Variants in VPS13C observed in about 807,000 individuals in gnomAD.
VPS13C encodes vacuolar protein sorting 13 homolog C.
VPS13C carries 358 observed loss-of-function variants against 456.8 expected under a neutral mutation model. That is an observed-to-expected ratio of 0.78 (90% CI 0.72 to 0.86). VPS13C has a LOEUF of 0.86. Among genes scored for constraint, VPS13C ranks in the 40% least tolerant of loss-of-function variants. The pLI is 0.00. For synonymous variants in VPS13C, 1,578 were observed against 1,486.7 expected (o/e 1.06, Z -1.41); for missense variants, 4,818 against 4,385.4 (o/e 1.10, Z -2.79).
intron 45 of VPS13C, among the ~76,000 whole-genome samples, chr15:61,943,872 C>T (rs114960655): frequency 0.032 from 4,826 of 150,912 alleles, 156 homozygotes; most frequent in South Asian, 0.077. Flanking sequence ...AAAAAATGTT[C>T]GCAAATTATG....
intron 24 of VPS13C, among the ~76,000 whole-genome samples, chr15:61,974,900 G>C (rs753953406): frequency 2.2e-4 from 33 of 152,184 alleles, no homozygotes; most frequent in Admixed American, 3.3e-4. Context: ...TACTCACTAC[G>C]AATCACCACT....
rs972532225 is a variant in VPS13C, at chr15:62,023,285, G to C, written c.624+126C>G. On this transcript the variant is annotated intron_variant, in intron 8 of 84. Transcript: ENST00000644861. ...GAGGCTAACACAAGAGGATATGGTA[G>C]TGTACTCATAAGAAAAAAATTAATC... is the stretch of plus-strand genomic sequence containing the variant. 1.2e-5 allele frequency: 6 copies of C among 511,038 alleles called. No individual in the cohort carries two copies. In the South Asian group the frequency reaches 2.2e-4, roughly 19 times the overall value. The allele number at this position is 511,038 out of a possible 1,614,324, so 31.7% of individuals were successfully genotyped here.
At chr15:61,972,537 T>C in intron 27 of VPS13C, 88 bp downstream of exon 27, 2 of 1,427,708 alleles carry the variant, frequency 1.4e-6, no homozygotes, top group Non-Finnish European at 1.9e-6. Flanking sequence ...ACATTTTTAA[T>C]ATACTTGACA....
At chr15:62,008,026 G>C (rs1404852764) in intron 14 of VPS13C, among the ~76,000 whole-genome samples, 1 of 152,034 alleles carries the variant, frequency 6.6e-6, no homozygotes, top group East Asian at 1.9e-4. Context: ...AGATCACAAG[G>C]TCAGGAGTTC....
chr15:61,974,792 C>G (rs1451090413), intron 24 of VPS13C, among the ~76,000 whole-genome samples: 1 of 152,078 alleles, frequency 6.6e-6, no homozygotes, highest in African/African-American at 2.4e-5. Context: ...TGCTTTATTT[C>G]TTTCTATATA....
At position 61,913,309 on chromosome 15, in the gene VPS13C, A is replaced by C. The variant is rs2043357836; in HGVS notation, c.8550+2T>G. 6.2e-7 allele frequency: 1 copy of C among 1,613,162 alleles called. No homozygotes were observed. The highest frequency in any genetic ancestry group is 8.5e-7 in the Non-Finnish European group (1 of 1,179,310). ...AAGGTAAATAAGGAAGCAGAATCTT[A>C]CCAGGTACTCCATATTGTTGGCAGG... On this transcript the variant is annotated splice_donor_variant, in intron 62 of 84. Coordinates refer to ENST00000644861, the MANE Select transcript of VPS13C (RefSeq NM_020821.3). LOFTEE classifies it high-confidence loss of function.
chr15:61,910,419 G>T, intron 63 of VPS13C, 114 bp from the exon 64 acceptor site: 1 of 879,852 alleles, frequency 1.1e-6, no homozygotes, highest in Non-Finnish European at 1.5e-6. Flanking sequence ...TTATTATGAA[G>T]TTTCTAAAAA....
In VPS13C at chr15:61,910,194, A is replaced by G. The variant is rs1405436676; in HGVS notation, c.8827T>C (p.Leu2943=). The G allele has an allele frequency of 1.4e-6, 2 of 1,420,582 alleles. No homozygotes were observed. The highest frequency in any genetic ancestry group is 9.3e-7 in the Non-Finnish European group (1 of 1,078,124). The allele number at this position is 1,420,582 out of a possible 1,614,324, so 88.0% of individuals were successfully genotyped here. Residue 2943 remains leucine, a synonymous_variant, in exon 64 of 85, where the codon TTG becomes CTG. Transcript: ENST00000644861. ...AAACTTACCAGATCTTCTAAGCTCA[A>G]TAAAGTGCCATTATCCTGTCGGTTA... ...FYNRQDNGTL[L]SLEDLNGGIL...
intron 43 of VPS13C, 113 bp downstream of exon 43, chr15:61,947,080 C>T: frequency 1.5e-6 from 1 of 681,966 alleles, no homozygotes; most frequent in Non-Finnish European, 2.4e-6. Flanking sequence ...TTTGCAAAGT[C>T]TTCAATATAA....
chr15:61,927,899 G>A (rs1221895297), intron 51 of VPS13C, among the ~76,000 whole-genome samples: 1 of 152,076 alleles, frequency 6.6e-6, no homozygotes, highest in Non-Finnish European at 1.5e-5. Flanking sequence ...GCAGGGACAT[G>A]GATGAAGCTG....
chr15:61,868,527 T>C, intron 81 of VPS13C, 132 bp downstream of exon 81: 1 of 752,494 alleles, frequency 1.3e-6, no homozygotes, highest in South Asian at 1.7e-5. Flanking sequence ...ACAATCAAAT[T>C]CTACTCTAGA....
chr15:61,966,232 T>C, intron 29 of VPS13C, 90 bp from the exon 30 acceptor site: 10 of 841,564 alleles, frequency 1.2e-5, no homozygotes, highest in Non-Finnish European at 1.6e-5. Context: ...TTATTTATAG[T>C]TATAAATGTA....
intron 6 of VPS13C, among the ~76,000 whole-genome samples, chr15:62,027,592 G>A (rs1270215977): frequency 1.3e-5 from 2 of 151,936 alleles, no homozygotes. Context: ...GATGCTTATT[G>A]TTTACAAATT....
chr15:62,001,075 T>G (rs560904160), intron 15 of VPS13C, among the ~76,000 whole-genome samples: 4 of 152,190 alleles, frequency 2.6e-5, no homozygotes, highest in African/African-American at 9.7e-5. Context: ...TAGGCTAAAG[T>G]AGAAACTGAT....
chr15:61,989,689 G>A (rs2046164522), intron 18 of VPS13C, among the ~76,000 whole-genome samples: 1 of 152,094 alleles, frequency 6.6e-6, no homozygotes, highest in Non-Finnish European at 1.5e-5. Flanking sequence ...TCCAGGAAAT[G>A]CAAATTAAAA....
chr15:61,988,653 C>G (rs146823319), intron 18 of VPS13C, among the ~76,000 whole-genome samples: 1 of 151,994 alleles, frequency 6.6e-6, no homozygotes, highest in Non-Finnish European at 1.5e-5. Flanking sequence ...ATAAAGAACA[C>G]GAGAGTTTAA....
intron 1 of VPS13C, among the ~76,000 whole-genome samples, chr15:62,049,687 T>G (rs1278027895): frequency 2.0e-5 from 3 of 152,174 alleles, no homozygotes; most frequent in Admixed American, 1.3e-4. Flanking sequence ...ATAAATTACC[T>G]TGGGCAGTAT....
chr15:61,985,516 C>G (rs1326050442), intron 18 of VPS13C, among the ~76,000 whole-genome samples: 1 of 152,176 alleles, frequency 6.6e-6, no homozygotes, highest in Non-Finnish European at 1.5e-5. Context: ...CTCAGCCTCC[C>G]AGAGTGCTAG....
chr15:62,002,584 A>G (rs1225546794), intron 15 of VPS13C, among the ~76,000 whole-genome samples: 3 of 152,168 alleles, frequency 2.0e-5, no homozygotes, highest in African/African-American at 7.2e-5. Flanking sequence ...TTAGACATGA[A>G]GTCCTTGTCC....
Sources: gnomAD v4.1 joint callset for allele counts (sites outside exome capture counted in the v4.1 genomes callset) on GRCh38, gnomAD v4.1.1 for gene constraint, MANE v1.5 for transcripts, NCBI Gene and HGNC (gene_info 2026-07-23, HGNC 2026-07-21) for gene names.